The following SRP19 variants were observed in gnomAD, a reference collection of about 807,000 sequenced individuals.
SRP19 encodes the protein signal recognition particle 19.
A neutral mutation model predicts 22.4 loss-of-function variants in SRP19; 11 were observed. The observed-to-expected ratio is 0.49, with a 90% CI of 0.31 to 0.81. SRP19 has a LOEUF of 0.81. Among genes scored for constraint, SRP19 ranks in the 40% least tolerant of loss-of-function variants. SRP19 has a pLI of 0.05. For missense variants in SRP19, 168 were observed against 175.9 expected, an observed-to-expected ratio of 0.96 and a Z score of 0.25; for synonymous variants, 61 against 57.6, an observed-to-expected ratio of 1.06 and a Z score of -0.27.
intron 4 of SRP19, chr5:112,877,256 G>A (rs1442331369): frequency 1.3e-5 from 2 of 152,102 alleles, no homozygotes; most frequent in Non-Finnish European, 2.9e-5. Flanking sequence ...ATGAGACATT[G>A]TTATGATCTT....
At chr5:112,879,694 T>C (rs571385313) in intron 4 of SRP19, among the ~76,000 whole-genome samples, 4 of 152,108 alleles carry the variant, frequency 2.6e-5, no homozygotes, top group Non-Finnish European at 5.9e-5. Context: ...GCCAGGATGG[T>C]CTCAATTTCC....
chr5:112,861,504 C>A, intron 1 of SRP19, 87 bp downstream of exon 1: 1 of 1,449,494 alleles, frequency 6.9e-7, no homozygotes, highest in Non-Finnish European at 9.5e-7. Context: ...GCTCCGCGGC[C>A]TCCAGAATGG....
chr5:112,868,251 G>C lies in SRP19; in HGVS notation c.*714G>C, dbSNP rs555912786. The C allele has an allele frequency of 1.0e-6, 1 of 985,494 alleles. No homozygotes were observed. The highest frequency in any genetic ancestry group is 1.2e-6 in the Non-Finnish European group (1 of 829,998). The allele number at this position is 985,494 out of a possible 1,614,324, so 61.0% of individuals were successfully genotyped here. On this transcript the variant is annotated 3_prime_UTR_variant, in exon 5 of 5. Transcript: ENST00000505459. Reference sequence around the variant, plus strand: ...ACACTTTCCTTCAACAAATGAAATTGGATTGGTGCTCCAGAATTTCAGAGC... The same window carrying C: ...ACACTTTCCTTCAACAAATGAAATTCGATTGGTGCTCCAGAATTTCAGAGC...
At chr5:112,892,498 G>C in exon 5 of SRP19, 2 of 1,614,202 alleles carry the variant, frequency 1.2e-6, no homozygotes, top group South Asian at 2.2e-5. Flanking sequence ...AGAATGCCAA[G>C]CAGCCCTTTC....
Position 112,861,388 on chromosome 5 carries a change from T to G in SRP19, c.12T>G (p.Ala4=). ...AGACTCTTGTGAAGATGGCTTGCGC[T>G]GCCGCGCGGTCCCCGGCCGACCAGG... is the stretch of plus-strand genomic sequence containing the variant. MAC[A]AARSPADQDR... is the part of the protein sequence containing the mutation. Residue 4 remains alanine, a synonymous_variant, in exon 1 of 5, where the codon GCT becomes GCG. Transcript: ENST00000505459. The G allele has an allele frequency of 6.2e-7, 1 of 1,614,160 alleles. No homozygotes were observed. Among genetic ancestry groups the G allele is most frequent in the African/African-American group, 1.3e-5 (1 of 75,068 alleles).
At chr5:112,871,075 A>G (rs570872321), downstream of SRP19, among the ~76,000 whole-genome samples, 3 of 152,136 alleles carry the variant, frequency 2.0e-5, no homozygotes, top group Admixed American at 2.0e-4. Context: ...GCTGGTCTTG[A>G]ACTCCTGACC....
chr5:112,874,448 C>T (rs1353957645), downstream of SRP19, among the ~76,000 whole-genome samples: 1 of 152,174 alleles, frequency 6.6e-6, no homozygotes, highest in African/African-American at 2.4e-5. Context: ...TTAAAGCATA[C>T]TGGCACCTGG....
chr5:112,888,888 GTGTTGT>G (rs1768344789), intron 4 of SRP19, among the ~76,000 whole-genome samples: 1 of 150,788 alleles, frequency 6.6e-6, no homozygotes. Flanking sequence ...TAATTCTCAT[GTGTTGT>G]GGAAAGGACA....
intron 4 of SRP19, among the ~76,000 whole-genome samples, chr5:112,875,139 G>T (rs1767865756): frequency 6.6e-6 from 1 of 152,168 alleles, no homozygotes; most frequent in Non-Finnish European, 1.5e-5. Flanking sequence ...TATGTTGTAA[G>T]ATTTTAAGAG....
intron 4 of SRP19, 133 bp downstream of exon 4, chr5:112,864,865 T>C: frequency 1.7e-6 from 1 of 592,718 alleles, no homozygotes. Context: ...GGACTACTGC[T>C]CATGGAGAGA....
At chr5:112,864,287 T>A (rs753353737) in intron 2 of SRP19, 170 bp from the exon 3 acceptor site, 27 of 606,566 alleles carry the variant, frequency 4.5e-5, no homozygotes, top group Non-Finnish European at 6.7e-5. Context: ...CGCATTAGTG[T>A]TATTCCTAGG....
At chr5:112,864,065 G>A (rs1767502860) in intron 2 of SRP19, among the ~76,000 whole-genome samples, 1 of 152,182 alleles carries the variant, frequency 6.6e-6, no homozygotes, top group Non-Finnish European at 1.5e-5. Flanking sequence ...TGGAATTGCA[G>A]GGCCATAGAG....
At position 112,867,497 on chromosome 5, in the gene SRP19, G is replaced by A; in HGVS notation, c.395G>A (p.Gly132Glu). ...GGTGCTGACCAAAGTCTTCAACAAG[G>A]AGAGGGAAGTAAAAAAGGGAAAGGA... ...TGGADQSLQQ[G>E]EGSKKGKGKK... Residue 132 changes from glycine (G) to glutamate (E), a missense_variant, in exon 5 of 5, where the codon GGA becomes GAA. Transcript: ENST00000505459. The A allele has an allele frequency of 6.2e-7, 1 of 1,613,490 alleles. No homozygotes were observed. Among genetic ancestry groups the A allele is most frequent in the Admixed American group, 1.7e-5 (1 of 59,962 alleles).
chr5:112,887,265 TG>T, intron 4 of SRP19: 2 of 1,273,076 alleles, frequency 1.6e-6, no homozygotes. Context: ...TTCACTACTC[TG>T]GGGATGGGAG....
intron 2 of SRP19, among the ~76,000 whole-genome samples, chr5:112,864,020 C>T (rs978525238): frequency 2.6e-5 from 4 of 152,130 alleles, no homozygotes; most frequent in African/African-American, 9.7e-5. Context: ...TTTTAGAGAA[C>T]ATATTTTTGC....
chr5:112,874,891 T>TCAGCCTCCCAAGTAGCTGGGATTA (rs1351945565), intron 4 of SRP19, among the ~76,000 whole-genome samples: 23 of 151,880 alleles, frequency 1.5e-4, no homozygotes, highest in African/African-American at 4.8e-4. Flanking sequence ...TTCTCCTGCC[T>TCAGCCTCCCAAGTAGCTGGGATTA]CAGCCTCCCA....
chr5:112,887,289 T>C (rs1421569102), intron 4 of SRP19: 2 of 1,107,308 alleles, frequency 1.8e-6, no homozygotes, highest in Admixed American at 3.2e-5. Context: ...GCCTCTGTTA[T>C]TTTCCCCAAA....
rs537595041 is a variant in SRP19 at position 112,881,312 on chromosome 5, G to T, written c.302-10291G>T. ...ATACCACTTCTGGGGCATCAGTGCT[G>T]CTGGAGAACTGTCTTGGGATTTTAC... On this transcript the variant is annotated intron_variant, in intron 4 of 4. Coordinates refer to the SRP19 transcript ENST00000391338. Among the ~76,000 whole-genome samples, 7 of 152,190 alleles carry T rather than the reference G, an allele frequency of 4.6e-5. No individual in the cohort carries two copies. In the South Asian group the frequency reaches 1.5e-3, roughly 32 times the overall value.
chr5:112,871,681 C>T (rs1035461763), downstream of SRP19, among the ~76,000 whole-genome samples: 3 of 151,784 alleles, frequency 2.0e-5, no homozygotes, highest in Admixed American at 6.6e-5. Flanking sequence ...TCACTTGAAC[C>T]GTGGGAAATG....
Sources: allele counts gnomAD v4.1 joint callset (sites outside exome capture counted in the v4.1 genomes callset), GRCh38; gene constraint gnomAD v4.1.1; transcripts MANE v1.5; gene names NCBI Gene and HGNC (gene_info 2026-07-23, HGNC 2026-07-21).